Variants in TKT observed in about 807,000 individuals in gnomAD.
TKT encodes the protein transketolase.
A neutral mutation model predicts 63.9 loss-of-function variants in TKT; 47 were observed. The ratio of observed to expected loss-of-function variants is 0.74; its 90% CI spans 0.58 to 0.94. The LOEUF (loss-of-function observed/expected upper bound fraction) is 0.94. Ranked by LOEUF, TKT falls within the 40% of genes least tolerant of loss-of-function variation. TKT has a pLI of 0.00. For synonymous variants in TKT, 338 were observed against 334.1 expected (o/e 1.01, Z -0.13); for missense variants, 721 against 846.2 (o/e 0.85, Z 1.84).
At chr3:53,251,612 C>T (rs548162695) in intron 1 of TKT, among the ~76,000 whole-genome samples, 12 of 152,314 alleles carry the variant, frequency 7.9e-5, no homozygotes, top group Non-Finnish European at 1.6e-4. Context: ...GGAAAGCTAT[C>T]GAGAAACGAG....
intron 3 of TKT, 99 bp downstream of exon 3, chr3:53,241,033 C>T: frequency 9.7e-7 from 1 of 1,030,590 alleles, no homozygotes; most frequent in Non-Finnish European, 1.4e-6. Context: ...CCTTTCAACA[C>T]CTTTGGCTTC....
chr3:53,227,012 GGAGAACCAC>G (rs1704529602), intron 12 of TKT, 134 bp from the exon 13 acceptor site: 15 of 1,139,516 alleles, frequency 1.3e-5, no homozygotes, highest in Non-Finnish European at 1.8e-5. Context: ...CCTGTCCCAG[GGAGAACCAC>G]TTGCCACCTC....
At chr3:53,234,226 G>A (rs13074156) in intron 5 of TKT, 58,204 of 152,158 alleles carry the variant, frequency 0.38, 11,889 homozygotes, top group East Asian at 0.56. Flanking sequence ...CGTATGCTGT[G>A]CTACTGCAAG....
Position 53,241,132 on chromosome 3 carries a change from CG to C in TKT, c.338del (p.Pro113ArgfsTer70). ...ISSDLDGHPVPKQAFTDVATG... is the reference protein window; with the variant it reads ...ISSDLDGHPVXKQAFTDVATG... ...GGGAGGCTCTGGCAGGAGCACTTAC[CG>C]GGACCGGGTGCCCGTCCAAGTCGGA... On this transcript the variant is annotated frameshift_variant and splice_region_variant, in exon 3 of 14. Transcript: ENST00000462138. LOFTEE classifies it high-confidence loss of function. 6.4e-7 allele frequency: 1 copy of C among 1,553,192 alleles called. No homozygotes were observed. Among genetic ancestry groups the C allele is most frequent in the Non-Finnish European group, 8.6e-7 (1 of 1,158,400 alleles).
chr3:53,234,742 G>A (rs1553678083), intron 5 of TKT: 3 of 410,340 alleles, frequency 7.3e-6, no homozygotes, highest in African/African-American at 4.1e-5. Context: ...AGCTCCGAGA[G>A]CCACCATGCC....
chr3:53,228,835 G>A, intron 10 of TKT, 172 bp downstream of exon 10: 2 of 900,656 alleles, frequency 2.2e-6, no homozygotes, highest in South Asian at 3.2e-5. Flanking sequence ...GTGGCAGTAA[G>A]TGGGGTGTGT....
At chr3:53,237,794 T>G (rs572476553) in intron 4 of TKT, 1 of 151,894 alleles carries the variant, frequency 6.6e-6, no homozygotes, top group Non-Finnish European at 1.5e-5. Context: ...TGGTGGCACG[T>G]ACCTGTAGTC....
At chr3:53,255,793 C>T in intron 1 of TKT, 43 bp downstream of exon 1, 1 of 1,352,980 alleles carries the variant, frequency 7.4e-7, no homozygotes, top group Admixed American at 3.3e-5. Flanking sequence ...AGACGCCCCC[C>T]GCCCCGCCCG....
At chr3:53,232,776 C>T (rs1398005127) in intron 6 of TKT, 11 of 409,256 alleles carry the variant, frequency 2.7e-5, no homozygotes, top group African/African-American at 1.8e-4. Flanking sequence ...CCCTGCCTGG[C>T]TCTGTGTCGG....
chr3:53,238,207 T>C (rs1477693195), intron 4 of TKT, among the ~76,000 whole-genome samples: 1 of 152,220 alleles, frequency 6.6e-6, no homozygotes, highest in Non-Finnish European at 1.5e-5. Context: ...TTCCATTATG[T>C]TAGGGTCAGG....
chr3:53,231,329 G>A, intron 7 of TKT, 28 bp downstream of exon 7: 2 of 1,609,622 alleles, frequency 1.2e-6, no homozygotes, highest in Non-Finnish European at 1.7e-6. Context: ...AGAACTATGG[G>A]TTCAGAGAAA....
intron 8 of TKT, among the ~76,000 whole-genome samples, chr3:53,229,751 G>C (rs1271513531): frequency 1.3e-5 from 2 of 151,766 alleles, no homozygotes; most frequent in Non-Finnish European, 2.9e-5. Context: ...CCAACACAAG[G>C]CCTCTTTCCC....
chr3:53,226,477 A>T (rs1333478375), intron 13 of TKT: 4 of 449,686 alleles, frequency 8.9e-6, no homozygotes, highest in African/African-American at 8.1e-5. Flanking sequence ...ACACTACCTC[A>T]GGGACGCCAC....
At chr3:53,254,363 G>A (rs1196573912) in intron 1 of TKT, among the ~76,000 whole-genome samples, 3 of 152,198 alleles carry the variant, frequency 2.0e-5, no homozygotes, top group Admixed American at 6.5e-5. Flanking sequence ...TGGTAAGACT[G>A]ACACAAACCC....
chr3:53,230,124 C>T (rs1354044454), intron 8 of TKT, among the ~76,000 whole-genome samples: 1 of 152,206 alleles, frequency 6.6e-6, no homozygotes, highest in Non-Finnish European at 1.5e-5. Context: ...CTAAACCCAT[C>T]ACGGCCCCAC....
intron 4 of TKT, among the ~76,000 whole-genome samples, chr3:53,236,989 G>A (rs1705061702): frequency 6.6e-6 from 1 of 152,232 alleles, no homozygotes; most frequent in African/African-American, 2.4e-5. Context: ...GTCGACATTT[G>A]TTGTAGAACG....
At position 53,243,434 on chromosome 3, in the gene TKT, C is replaced by T. The variant is rs782471937; in HGVS notation, c.108-1192G>A. 2.2e-4 allele frequency: 82 copies of T among 374,074 alleles called. No individual in the cohort carries two copies. The East Asian group carries it at 2.9e-3, about 13-fold the overall frequency. 23.2% of individuals were successfully genotyped at this position (374,074 alleles called of 1,614,324 possible). ...CACATGCACCATCTGGAGCTCACGCCGCCAGCCTCCCGCCCCTCCAATCAG... is the reference window on the plus strand; with the variant it reads ...CACATGCACCATCTGGAGCTCACGCTGCCAGCCTCCCGCCCCTCCAATCAG... On this transcript the variant is annotated intron_variant, in intron 1 of 13. Coordinates refer to ENST00000462138, the MANE Select transcript of TKT (RefSeq NM_001064.4).
At chr3:53,226,089 T>C in intron 13 of TKT, 158 bp from the exon 14 acceptor site, 1 of 640,894 alleles carries the variant, frequency 1.6e-6, no homozygotes, top group African/African-American at 1.9e-5. Context: ...ATTGATTTTT[T>C]TTATTTTAAA....
Position 53,246,846 on chromosome 3 carries a change from C to T in TKT, c.108-4604G>A, listed in dbSNP as rs568722801. Among the ~76,000 whole-genome samples, 623 of 102,782 alleles carry T rather than the reference C, an allele frequency of 6.1e-3. 4 individuals carry two copies. The highest frequency in any genetic ancestry group is 0.011 in the Non-Finnish European group (505 of 46,602). The allele number at this position is 102,782 out of a possible 152,430, so 67.4% of individuals were successfully genotyped here. On this transcript the variant is annotated intron_variant, in intron 1 of 13. Transcript: ENST00000462138. ...AGCCTGGACAACAAGAGCAAAACTC[C>T]GTCTCAAAAAAAAAAAAAAGGAAAA...
Sources: gnomAD v4.1 joint callset for allele counts (sites outside exome capture counted in the v4.1 genomes callset) on GRCh38, gnomAD v4.1.1 for gene constraint, MANE v1.5 for transcripts, NCBI Gene and HGNC (gene_info 2026-07-23, HGNC 2026-07-21) for gene names.